PHACTR1: variants seen among roughly 807,000 people sequenced by gnomAD.
PHACTR1 encodes the protein phosphatase and actin regulator 1.
Under a neutral mutation model 69.2 loss-of-function variants are expected in PHACTR1, and 16 were observed. The ratio of observed to expected loss-of-function variants is 0.23; its 90% CI spans 0.16 to 0.35. The LOEUF (loss-of-function observed/expected upper bound fraction) is 0.35, where lower values mean the gene tolerates loss of function less well. Ranked by LOEUF, PHACTR1 falls within the 10% of genes least tolerant of loss-of-function variation. The pLI, the probability that PHACTR1 is intolerant of heterozygous loss-of-function variation, is 1.00. For synonymous variants in PHACTR1, 312 were observed against 284.5 expected (o/e 1.10, Z -0.97); for missense variants, 510 against 734.7 (o/e 0.69, Z 3.54).
intron 4 of PHACTR1, among the ~76,000 whole-genome samples, chr6:12,994,523 A>G (rs1797197178): frequency 6.6e-6 from 1 of 152,218 alleles, no homozygotes; most frequent in South Asian, 2.1e-4. Context: ...TCCAGGAAAA[A>G]TGAAAAGTTG....
At chr6:12,854,843 A>G (rs186071229) in intron 4 of PHACTR1, among the ~76,000 whole-genome samples, 267 of 152,326 alleles carry the variant, frequency 1.8e-3, no homozygotes, top group Non-Finnish European at 2.7e-3. Context: ...ATGGGATAGT[A>G]TCTCACACCA....
chr6:12,953,242 G>A (rs1217806014), intron 4 of PHACTR1, among the ~76,000 whole-genome samples: 3 of 152,172 alleles, frequency 2.0e-5, no homozygotes, highest in African/African-American at 7.2e-5. Flanking sequence ...AGAATCTCTT[G>A]AACCTGGAAG....
At position 13,174,733 on chromosome 6, in the gene PHACTR1, T is replaced by C. The variant is rs544422961; in HGVS notation, c.497-7786T>C. 5.6e-3 allele frequency among the ~76,000 whole-genome samples: 851 copies of C among 151,906 alleles called. 5 individuals carry two copies. The highest frequency in any genetic ancestry group is 0.019 in the African/African-American group (805 of 41,406). On this transcript the variant is annotated intron_variant, in intron 6 of 14. Coordinates refer to ENST00000332995, the MANE Select transcript of PHACTR1 (RefSeq NM_030948.6). ...CACATACATTCTCTCTCTCTCTCTC[T>C]CCCCCTCCCTCTCTCTTACCATATA...
chr6:13,145,954 G>A (rs544362046), intron 5 of PHACTR1, among the ~76,000 whole-genome samples: 6 of 152,144 alleles, frequency 3.9e-5, no homozygotes, highest in African/African-American at 2.4e-5. Context: ...GTATATACAC[G>A]AAAGCCTATC....
At position 13,129,245 on chromosome 6, in the gene PHACTR1, T is replaced by C. The variant is rs191209687; in HGVS notation, c.416-30959T>C. On this transcript the variant is annotated intron_variant, in intron 5 of 14. Coordinates refer to ENST00000332995, the MANE Select transcript of PHACTR1 (RefSeq NM_030948.6). ...TAGGGCCTATAAAACAATAACACAG[T>C]GGAAAAAAAACACGAGGTATTAAGG... Among the ~76,000 whole-genome samples, 285 of 151,504 alleles carry C rather than the reference T, an allele frequency of 1.9e-3. 1 individual carries two copies. The highest frequency in any genetic ancestry group is 6.7e-3 in the African/African-American group (276 of 41,344).
intron 4 of PHACTR1, among the ~76,000 whole-genome samples, chr6:12,867,765 A>G (rs1781602278): frequency 6.6e-6 from 1 of 152,150 alleles, no homozygotes; most frequent in Admixed American, 6.5e-5. Context: ...ATCAAGAGGT[A>G]TTTGTTGGGT....
chr6:13,050,963 A>G (rs1805847360), intron 4 of PHACTR1, among the ~76,000 whole-genome samples: 1 of 151,984 alleles, frequency 6.6e-6, no homozygotes. Flanking sequence ...CCCTGCTTGA[A>G]TCCTAGTTAC....
At chr6:13,190,198 A>ATTTTTTTTTTTTTTTTTTTTTTTTTTTT (rs1215055032) in intron 7 of PHACTR1, among the ~76,000 whole-genome samples, 1 of 87,266 alleles carries the variant, frequency 1.1e-5, no homozygotes, top group African/African-American at 4.7e-5. Context: ...TAATTTTTGT[A>ATTTTTTTTTTTTTTTTTTTTTTTTTTTT]TTTTTTTTTT....
intron 5 of PHACTR1, among the ~76,000 whole-genome samples, chr6:13,126,463 A>G (rs1819540135): frequency 6.6e-6 from 1 of 152,240 alleles, no homozygotes; most frequent in Admixed American, 6.5e-5. Context: ...GAATGGAGAG[A>G]TGGTTTGCAT....
intron 3 of PHACTR1, among the ~76,000 whole-genome samples, chr6:12,726,076 A>T (rs1157969079): frequency 1.3e-5 from 2 of 152,194 alleles, no homozygotes; most frequent in African/African-American, 4.8e-5. Flanking sequence ...ATTCAAATAC[A>T]TAGAGATATA....
At chr6:12,810,523 C>G (rs1210633550) in intron 4 of PHACTR1, among the ~76,000 whole-genome samples, 1 of 152,180 alleles carries the variant, frequency 6.6e-6, no homozygotes, top group African/African-American at 2.4e-5. Context: ...GTACCCCATC[C>G]TGGGACTCCA....
chr6:12,729,195 A>C (rs1013513620), intron 3 of PHACTR1, among the ~76,000 whole-genome samples: 14 of 152,210 alleles, frequency 9.2e-5, no homozygotes, highest in African/African-American at 2.9e-4. Context: ...AACAGCCTTA[A>C]AACACAAGAA....
chr6:13,272,411 C>T (rs1212465840), intron 10 of PHACTR1: 1 of 173,184 alleles, frequency 5.8e-6, no homozygotes, highest in Non-Finnish European at 1.2e-5. Flanking sequence ...CACATGTCCC[C>T]GGGGCCACAG....
intron 10 of PHACTR1, among the ~76,000 whole-genome samples, chr6:13,257,895 A>C (rs1487444368): frequency 2.6e-5 from 4 of 151,850 alleles, no homozygotes; most frequent in Non-Finnish European, 5.9e-5. Context: ...GCTGTGCCCC[A>C]CTCTCAGACC....
intron 10 of PHACTR1, among the ~76,000 whole-genome samples, chr6:13,263,210 G>A (rs2127424042): frequency 6.8e-6 from 1 of 146,358 alleles, no homozygotes; most frequent in Admixed American, 6.8e-5. Context: ...GGTCAAAACT[G>A]AAGTGTCCTT....
intron 4 of PHACTR1, among the ~76,000 whole-genome samples, chr6:12,946,797 G>A (rs1407802601): frequency 6.7e-6 from 1 of 149,442 alleles, no homozygotes; most frequent in Admixed American, 6.7e-5. Flanking sequence ...GTGCAATGAT[G>A]GTGCTGGATT....
intron 5 of PHACTR1, among the ~76,000 whole-genome samples, chr6:13,119,068 G>A (rs1818257606): frequency 6.6e-6 from 1 of 152,064 alleles, no homozygotes; most frequent in African/African-American, 2.4e-5. Context: ...TCCTCTCCTT[G>A]TCTTCTCTTT....
chr6:12,787,572 G>C (rs1403187531), intron 4 of PHACTR1, among the ~76,000 whole-genome samples: 1 of 152,200 alleles, frequency 6.6e-6, no homozygotes, highest in African/African-American at 2.4e-5. Context: ...CTTGCCTTTT[G>C]ACAAAAGTTA....
chr6:12,885,872 A>C (rs540430300), intron 4 of PHACTR1, among the ~76,000 whole-genome samples: 96 of 152,334 alleles, frequency 6.3e-4, no homozygotes, highest in African/African-American at 2.2e-3. Context: ...AGGCGGGCGT[A>C]TCACCTGAGG....
Sources: allele counts gnomAD v4.1 joint callset (sites outside exome capture counted in the v4.1 genomes callset), GRCh38; gene constraint gnomAD v4.1.1; transcripts MANE v1.5; gene names NCBI Gene and HGNC (gene_info 2026-07-23, HGNC 2026-07-21).